LRRC36: variants seen among roughly 807,000 people sequenced by gnomAD.
The protein encoded by LRRC36 is leucine rich repeat containing 36, also known as leucine-rich repeat-containing protein 36.
A neutral mutation model predicts 81.1 loss-of-function variants in LRRC36; 62 were observed. That is an observed-to-expected ratio of 0.76 (90% confidence interval 0.62 to 0.94). The LOEUF (loss-of-function observed/expected upper bound fraction) is 0.94, where lower values mean the gene tolerates loss of function less well. LRRC36 is among the 40% of genes least tolerant of loss of function. LRRC36 has a pLI of 0.00. For missense variants in LRRC36, 761 were observed against 881.7 expected (o/e 0.86, Z 1.73); for synonymous variants, 334 against 348.6 (o/e 0.96, Z 0.47).
chr16:67,375,136 A>T (rs2039832043), intron 9 of LRRC36, 111 bp from the exon 10 acceptor site: 39 of 1,283,064 alleles, frequency 3.0e-5, no homozygotes, highest in South Asian at 4.0e-5. Flanking sequence ...CCAAAAAAAA[A>T]TTAAAAAAAA....
chr16:67,370,034 G>C (rs960617188), intron 8 of LRRC36, among the ~76,000 whole-genome samples: 4 of 152,152 alleles, frequency 2.6e-5, no homozygotes, highest in African/African-American at 9.7e-5. Flanking sequence ...AGGGAAAACT[G>C]ATGATGCCAG....
At chr16:67,362,114 C>A in intron 5 of LRRC36, 1 of 370,682 alleles carries the variant, frequency 2.7e-6, no homozygotes, top group Non-Finnish European at 5.3e-6. Flanking sequence ...AAAACAAAAA[C>A]AAATCTCACA....
intron 12 of LRRC36, among the ~76,000 whole-genome samples, chr16:67,379,001 AAC>A (rs1458881197): frequency 6.6e-6 from 1 of 152,262 alleles, no homozygotes; most frequent in Non-Finnish European, 1.5e-5. Flanking sequence ...TAACACCAAG[AAC>A]ATGTTCTTTA....
chr16:67,332,717 A>G (rs1377780428), intron 1 of LRRC36, among the ~76,000 whole-genome samples: 2 of 152,156 alleles, frequency 1.3e-5, no homozygotes, highest in Non-Finnish European at 2.9e-5. Flanking sequence ...TCTTCAAAAT[A>G]GACTGCAGTG....
chr16:67,327,511 T>A (rs1195324495), intron 1 of LRRC36, among the ~76,000 whole-genome samples: 1 of 151,756 alleles, frequency 6.6e-6, no homozygotes, highest in Non-Finnish European at 1.5e-5. Flanking sequence ...TAATAATAAA[T>A]AAAATAAATA....
In LRRC36 at chr16:67,367,230, A is replaced by C. The variant is rs547873274; in HGVS notation, c.968A>C (p.Gln323Pro). 3.7e-6 allele frequency: 6 copies of C among 1,614,078 alleles called. No homozygotes were observed. The African/African-American group carries it at 8.0e-5, about 22-fold the overall frequency. Residue 323 changes from glutamine to proline, a missense_variant, in exon 8 of 14, where the codon CAG becomes CCG. Coordinates refer to ENST00000329956, the MANE Select transcript of LRRC36 (RefSeq NM_018296.6). ...VGDSSQIHPY[Q>P]LPSDVGLENY... ...GATTCTAGCCAGATCCATCCCTATC[A>C]GTTACCTTCAGATGTTGGTCTGGAA...
Position 67,342,598 on chromosome 16 carries a change from T to C in LRRC36, c.198+514T>C, listed in dbSNP as rs560276556. ...GGGGATGATGGAGCAGAGGGCAGTATAGGAAGGCAGGAGGGACCAAGCATG... is the reference window on the plus strand; with the variant it reads ...GGGGATGATGGAGCAGAGGGCAGTACAGGAAGGCAGGAGGGACCAAGCATG... On this transcript the variant is annotated intron_variant, in intron 2 of 13. Coordinates refer to ENST00000329956, the MANE Select transcript of LRRC36 (RefSeq NM_018296.6). 3.3e-5 allele frequency among the ~76,000 whole-genome samples: 5 copies of C among 152,214 alleles called. No homozygotes were observed. In the South Asian group the frequency reaches 1.0e-3, roughly 32 times the overall value.
intron 8 of LRRC36, 38 bp downstream of exon 8, chr16:67,367,495 G>A (rs1243836142): frequency 3.9e-6 from 6 of 1,527,124 alleles, no homozygotes; most frequent in Non-Finnish European, 5.3e-6. Context: ...CTTCTTCATA[G>A]GCATGAAGAT....
At chr16:67,357,252 A>C (rs2038942539) in intron 5 of LRRC36, among the ~76,000 whole-genome samples, 1 of 152,224 alleles carries the variant, frequency 6.6e-6, no homozygotes, top group South Asian at 2.1e-4. Context: ...AAGGGGGAAA[A>C]ATACAAGGTT....
intron 13 of LRRC36, among the ~76,000 whole-genome samples, chr16:67,383,058 C>T (rs1226806572): frequency 8.3e-6 from 1 of 119,942 alleles, no homozygotes; most frequent in Non-Finnish European, 1.6e-5. Flanking sequence ...GTCAACAGAG[C>T]GAGGCTCCGT....
chr16:67,343,883 C>T (rs1414121744), intron 2 of LRRC36, among the ~76,000 whole-genome samples: 4 of 151,828 alleles, frequency 2.6e-5, no homozygotes, highest in Non-Finnish European at 4.4e-5. Flanking sequence ...GTAGTGTGAT[C>T]TTGGCTCACT....
At chr16:67,331,113 G>GAGAGAGAGAGAGAGAA (rs1567462464) in intron 1 of LRRC36, among the ~76,000 whole-genome samples, 4 of 136,242 alleles carry the variant, frequency 2.9e-5, no homozygotes, top group African/African-American at 1.1e-4. Flanking sequence ...GAGAGAGAGA[G>GAGAGAGAGAGAGAGAA]AAGACTGAAC....
chr16:67,349,619 T>C (rs1206449815), intron 4 of LRRC36, among the ~76,000 whole-genome samples: 1 of 152,210 alleles, frequency 6.6e-6, no homozygotes, highest in Non-Finnish European at 1.5e-5. Flanking sequence ...GATCTAAGTA[T>C]GTGTCAAGAA....
rs201258716 is a variant in LRRC36, at chr16:67,376,186, TA to T, written c.1661-539del. 5.0e-3 allele frequency among the ~76,000 whole-genome samples: 764 copies of T among 152,188 alleles called. 8 individuals carry two copies. The highest frequency in any genetic ancestry group is 0.018 in the East Asian group (92 of 5,176). ...AGCCAGGCGTAGTGGTGTGCGCCTG[TA>T]ATCCCAGCTACTGGGGAGGCTGAGG... On this transcript the variant is annotated intron_variant, in intron 10 of 13. Coordinates refer to ENST00000329956, the MANE Select transcript of LRRC36 (RefSeq NM_018296.6).
chr16:67,367,835 G>A (rs756937205), intron 8 of LRRC36, among the ~76,000 whole-genome samples: 16 of 152,082 alleles, frequency 1.1e-4, no homozygotes, highest in South Asian at 4.1e-4. Context: ...GGTGGATCAC[G>A]AGGTCAGGAG....
At chr16:67,328,201 C>A (rs964471780) in intron 1 of LRRC36, among the ~76,000 whole-genome samples, 1 of 151,978 alleles carries the variant, frequency 6.6e-6, no homozygotes, top group Non-Finnish European at 1.5e-5. Context: ...TTAATTTATT[C>A]TGTGGGTAAT....
Position 67,360,126 on chromosome 16 carries a change from C to CAA in LRRC36, c.578-3451_578-3450dup, listed in dbSNP as rs551585538. Among the ~76,000 whole-genome samples the CAA allele has an allele frequency of 4.8e-3, 571 of 118,506 alleles. 4 individuals are homozygous for CAA. The highest frequency in any genetic ancestry group is 8.3e-3 in the Non-Finnish European group (453 of 54,514). The allele number at this position is 118,506 out of a possible 152,430, so 77.7% of individuals were successfully genotyped here. On this transcript the variant is annotated intron_variant, in intron 5 of 13. Transcript: ENST00000329956. Reference sequence around the variant, plus strand: ...TGAGCAACAGAGCAAGACTCTGTCTCAAAAAAAAAAAAAAGAAAAGAAAAT... The same window carrying CAA: ...TGAGCAACAGAGCAAGACTCTGTCTCAAAAAAAAAAAAAAAAGAAAAGAAAAT...
intron 8 of LRRC36, among the ~76,000 whole-genome samples, chr16:67,369,042 A>T (rs1367639341): frequency 6.6e-6 from 1 of 152,222 alleles, no homozygotes; most frequent in Non-Finnish European, 1.5e-5. Flanking sequence ...TGCCTTATTA[A>T]AACTTTCCAG....
At chr16:67,368,408 G>A (rs893505873) in intron 8 of LRRC36, among the ~76,000 whole-genome samples, 6 of 152,190 alleles carry the variant, frequency 3.9e-5, no homozygotes, top group African/African-American at 1.4e-4. Context: ...CTCTGATGAG[G>A]CACCATAAAA....
Sources: allele counts gnomAD v4.1 joint callset (sites outside exome capture counted in the v4.1 genomes callset), GRCh38; gene constraint gnomAD v4.1.1; transcripts MANE v1.5; gene names NCBI Gene and HGNC (gene_info 2026-07-23, HGNC 2026-07-21).